PRKN: variants seen among roughly 807,000 people sequenced by gnomAD.
PRKN encodes E3 ubiquitin-protein ligase parkin.
Under a neutral mutation model 59.5 loss-of-function variants are expected in PRKN, and 56 were observed. The observed-to-expected ratio is 0.94, with a 90% CI of 0.76 to 1.18. The LOEUF (loss-of-function observed/expected upper bound fraction) is 1.18. Among genes scored for constraint, PRKN ranks in the 50% most tolerant of loss-of-function variants. The probability of loss-of-function intolerance (pLI) is 0.00; values close to 1 mark genes in which losing one functional copy is unlikely to be tolerated. For missense variants in PRKN, 657 were observed against 596.4 expected (o/e 1.10, Z -1.06); for synonymous variants, 250 against 222.1 (o/e 1.13, Z -1.12).
At chr6:161,800,599 G>T (rs961703515) in intron 6 of PRKN, among the ~76,000 whole-genome samples, 1 of 152,206 alleles carries the variant, frequency 6.6e-6, no homozygotes, top group Non-Finnish European at 1.5e-5. Flanking sequence ...AGTGGGCATG[G>T]GATGCATGGG....
chr6:161,552,328 G>GCATA lies in PRKN; in HGVS notation c.934-3326_934-3325insTATG, dbSNP rs1780052040. ...CTCTCCCTCAGCTCTGTTCACCTCC[G>GCATA]CCTATGACTGTGAATGATCTCACGG... On this transcript the variant is annotated intron_variant, in intron 8 of 11. Transcript: ENST00000366898. The surrounding 1 kb of genome is among the most constrained non-coding windows in gnomAD (Gnocchi z 4.9). Among the ~76,000 whole-genome samples, 2 of 124,554 alleles carry GCATA rather than the reference G, an allele frequency of 1.6e-5. No homozygotes were observed. Among genetic ancestry groups the GCATA allele is most frequent in the African/African-American group, 7.2e-5 (2 of 27,838 alleles). The allele number at this position is 124,554 out of a possible 152,430, so 81.7% of individuals were successfully genotyped here.
chr6:161,895,497 C>T (rs905643202), intron 6 of PRKN, among the ~76,000 whole-genome samples: 3 of 133,852 alleles, frequency 2.2e-5, no homozygotes, highest in African/African-American at 6.9e-5. Flanking sequence ...TTCAGGAGTA[C>T]GCCCACCCCA....
chr6:162,014,904 T>C (rs1782877753), intron 5 of PRKN, among the ~76,000 whole-genome samples: 1 of 152,152 alleles, frequency 6.6e-6, no homozygotes, highest in African/African-American at 2.4e-5. Context: ...TAGTACTCTA[T>C]TGAATGGTTG....
At chr6:161,806,826 G>A (rs1232183067) in intron 6 of PRKN, among the ~76,000 whole-genome samples, 3 of 152,140 alleles carry the variant, frequency 2.0e-5, no homozygotes, top group Non-Finnish European at 2.9e-5. Context: ...GGCCATAATC[G>A]AGTTGGAGAA....
In PRKN at chr6:161,488,316, G is replaced by A. The variant is rs1339718957; in HGVS notation, c.1083+60538C>T. Among the ~76,000 whole-genome samples the A allele has an allele frequency of 2.0e-5, 3 of 152,312 alleles. No homozygotes were observed. Among genetic ancestry groups the A allele is most frequent in the East Asian group, 1.9e-4 (1 of 5,168 alleles). ...TCAACAAGGGGAAAGTGATCGGGCC[G>A]AGGACAGAAGGCCAGGTCACATAGG... On this transcript the variant is annotated intron_variant, in intron 9 of 11. Coordinates refer to ENST00000366898, the MANE Select transcript of PRKN (RefSeq NM_004562.3). This position sits in a 1 kb window ranked among gnomAD's most constrained non-coding sequence, Gnocchi z 4.5.
chr6:162,694,442 G>A (rs1777899247), intron 1 of PRKN, among the ~76,000 whole-genome samples: 1 of 152,020 alleles, frequency 6.6e-6, no homozygotes. Flanking sequence ...TGTCTTTATG[G>A]CAGCTCTTAG....
At chr6:162,038,013 T>C (rs1783914287) in intron 5 of PRKN, among the ~76,000 whole-genome samples, 1 of 149,826 alleles carries the variant, frequency 6.7e-6, no homozygotes, top group Non-Finnish European at 1.5e-5. Flanking sequence ...TGTGGTATTC[T>C]GGTAATAATC....
rs1040525304 is a variant in PRKN at position 161,360,598 on chromosome 6, C to T, written c.1168-393G>A. Among the ~76,000 whole-genome samples the T allele has an allele frequency of 9.2e-5, 14 of 152,178 alleles. No individual in the cohort carries two copies. Among genetic ancestry groups the T allele is most frequent in the Admixed American group, 3.3e-4 (5 of 15,270 alleles). ...TAGTTTTTATTCCACATTGAGGATT[C>T]GATGGGTGAAAACATGGCCCAAAGC... is the stretch of plus-strand genomic sequence containing the variant. On this transcript the variant is annotated intron_variant, in intron 10 of 11. Coordinates refer to ENST00000366898, the MANE Select transcript of PRKN (RefSeq NM_004562.3). The surrounding 1 kb of genome is among the most constrained non-coding windows in gnomAD (Gnocchi z 5.1).
At chr6:161,653,413 A>C (rs1455117382) in intron 7 of PRKN, among the ~76,000 whole-genome samples, 1 of 152,168 alleles carries the variant, frequency 6.6e-6, no homozygotes, top group Non-Finnish European at 1.5e-5. Flanking sequence ...ACAGTGCTGC[A>C]TGAAGAAGTA....
At chr6:162,633,432 CAAAAAAAAAAAA>C (rs531688324) in intron 1 of PRKN, among the ~76,000 whole-genome samples, 39 of 61,826 alleles carry the variant, frequency 6.3e-4, no homozygotes, top group Admixed American at 2.1e-3. Flanking sequence ...AAGACTGTCT[CAAAAAAAAAAAA>C]AAAAAAAAAA....
chr6:162,553,801 C>CAAAAAAAAAAAAAAAAAAAAAA (rs1223897915), intron 1 of PRKN, among the ~76,000 whole-genome samples: 1 of 30,372 alleles, frequency 3.3e-5, no homozygotes, highest in Non-Finnish European at 5.2e-5. Flanking sequence ...GAATCCATCT[C>CAAAAAAAAAAAAAAAAAAAAAA]AAAAAAAAAA....
intron 2 of PRKN, among the ~76,000 whole-genome samples, chr6:162,351,843 T>G (rs745769137): frequency 6.6e-6 from 1 of 152,280 alleles, no homozygotes; most frequent in African/African-American, 2.4e-5. Flanking sequence ...TGTGTGTGTG[T>G]GTGTATGGGT....
At chr6:162,082,326 G>C (rs1309062738) in intron 4 of PRKN, among the ~76,000 whole-genome samples, 4 of 152,032 alleles carry the variant, frequency 2.6e-5, no homozygotes, top group Non-Finnish European at 5.9e-5. Flanking sequence ...ACGTGGAACT[G>C]TAAGTGCATT....
At chr6:162,237,966 G>A (rs1778812253) in intron 3 of PRKN, among the ~76,000 whole-genome samples, 1 of 152,070 alleles carries the variant, frequency 6.6e-6, no homozygotes, top group South Asian at 2.1e-4. Context: ...GAGAGCACGT[G>A]GTAGGTTACA....
chr6:162,198,420 A>G (rs1243286975), intron 4 of PRKN, among the ~76,000 whole-genome samples: 1 of 151,000 alleles, frequency 6.6e-6, no homozygotes, highest in African/African-American at 2.4e-5. Context: ...CTCTGAAATC[A>G]GTTAGCCAAA....
At chr6:162,493,518 A>G (rs1792915551) in intron 1 of PRKN, among the ~76,000 whole-genome samples, 1 of 152,220 alleles carries the variant, frequency 6.6e-6, no homozygotes, top group African/African-American at 2.4e-5. Flanking sequence ...TATTTTAGAT[A>G]TAAAAAGATT....
intron 4 of PRKN, among the ~76,000 whole-genome samples, chr6:162,097,819 C>T (rs993985732): frequency 3.3e-5 from 5 of 152,146 alleles, no homozygotes; most frequent in African/African-American, 7.2e-5. Flanking sequence ...AATGTTGACA[C>T]GTGGTTATTT....
chr6:162,202,465 C>T (rs1475699859), intron 3 of PRKN, among the ~76,000 whole-genome samples: 1 of 152,004 alleles, frequency 6.6e-6, no homozygotes, highest in Non-Finnish European at 1.5e-5. Context: ...CATTTGTTTG[C>T]AATATATTTT....
intron 6 of PRKN, among the ~76,000 whole-genome samples, chr6:161,919,002 G>A (rs548491219): frequency 2.6e-5 from 4 of 152,206 alleles, no homozygotes; most frequent in African/African-American, 9.6e-5. Flanking sequence ...TTAAGCACAC[G>A]ACTGTTAGAG....
Sources: gnomAD v4.1 joint callset for allele counts (sites outside exome capture counted in the v4.1 genomes callset) on GRCh38, gnomAD v4.1.1 for gene constraint, Gnocchi (gnomAD v3.1) non-coding constraint, MANE v1.5 for transcripts, NCBI Gene and HGNC (gene_info 2026-07-23, HGNC 2026-07-21) for gene names.